The following CLSTN2 variants were observed in gnomAD, a reference collection of about 807,000 sequenced individuals.
CLSTN2 encodes the protein calsyntenin 2, also known as calsyntenin-2.
In CLSTN2, 48 loss-of-function variants were observed where a neutral mutation model predicts 101.2. The ratio of observed to expected loss-of-function variants is 0.47; its 90% confidence interval spans 0.38 to 0.60. CLSTN2 has a LOEUF of 0.60. Among genes scored for constraint, CLSTN2 ranks in the 20% least tolerant of loss-of-function variants. CLSTN2 has a pLI of 0.00. For synonymous variants in CLSTN2, 481 were observed against 463.6 expected, an observed-to-expected ratio of 1.04 and a Z score of -0.48; for missense variants, 1,160 against 1,238.2, an observed-to-expected ratio of 0.94 and a Z score of 0.95.
chr3:140,129,422 T>A (rs1162715371), intron 1 of CLSTN2, among the ~76,000 whole-genome samples: 1 of 152,190 alleles, frequency 6.6e-6, no homozygotes, highest in East Asian at 1.9e-4. Flanking sequence ...TAATTAGCTG[T>A]GATGATTTGG....
intron 1 of CLSTN2, among the ~76,000 whole-genome samples, chr3:140,020,025 G>A (rs1304958280): frequency 6.6e-6 from 1 of 152,148 alleles, no homozygotes; most frequent in African/African-American, 2.4e-5. Context: ...TTTAGGAGAT[G>A]GGAGCAACTA....
intron 1 of CLSTN2, among the ~76,000 whole-genome samples, chr3:139,982,928 C>T (rs1935955703): frequency 6.6e-6 from 1 of 150,810 alleles, no homozygotes; most frequent in South Asian, 2.1e-4. Context: ...AGACTATACA[C>T]ATATGACTAT....
chr3:139,967,141 A>G (rs1935614748), intron 1 of CLSTN2, among the ~76,000 whole-genome samples: 1 of 152,160 alleles, frequency 6.6e-6, no homozygotes, highest in African/African-American at 2.4e-5. Context: ...GCCCCTGTCC[A>G]TGGCAGAAGT....
intron 5 of CLSTN2, among the ~76,000 whole-genome samples, chr3:140,431,746 G>C (rs1423021993): frequency 1.3e-5 from 2 of 152,146 alleles, no homozygotes; most frequent in Non-Finnish European, 2.9e-5. Flanking sequence ...AGTGGAGATG[G>C]AGCTAGGTAT....
At chr3:140,002,453 G>A (rs1298905440) in intron 1 of CLSTN2, among the ~76,000 whole-genome samples, 12 of 152,176 alleles carry the variant, frequency 7.9e-5, no homozygotes, top group Admixed American at 7.2e-4. Context: ...ATATATTATG[G>A]TTATTAATCC....
At chr3:140,168,633 C>T in intron 1 of CLSTN2, among the ~76,000 whole-genome samples, 1 of 152,012 alleles carries the variant, frequency 6.6e-6, no homozygotes, top group South Asian at 2.1e-4. Flanking sequence ...ATTTTGACTT[C>T]TACATTCAGG....
intron 7 of CLSTN2, among the ~76,000 whole-genome samples, chr3:140,465,853 C>T (rs570166309): frequency 1.2e-4 from 19 of 152,170 alleles, no homozygotes; most frequent in African/African-American, 1.7e-4. Flanking sequence ...TTATGGAACA[C>T]GCGCCTCCTG....
At position 140,107,088 on chromosome 3, in the gene CLSTN2, A is replaced by C. The variant is rs374596149; in HGVS notation, c.110-68863A>C. Among the ~76,000 whole-genome samples the C allele has an allele frequency of 1.9e-4, 29 of 152,350 alleles. No homozygotes were observed. The East Asian group carries it at 4.8e-3, about 25-fold the overall frequency. On this transcript the variant is annotated intron_variant, in intron 1 of 16. Coordinates refer to ENST00000458420, the MANE Select transcript of CLSTN2 (RefSeq NM_022131.3). ...TGAATCCTTTGGTGAATGCTGGTAC[A>C]GCTGAAAAAAGGCAGACATGAATGG... is the stretch of plus-strand genomic sequence containing the variant.
intron 2 of CLSTN2, among the ~76,000 whole-genome samples, chr3:140,297,854 G>A (rs1340809817): frequency 6.6e-6 from 1 of 152,182 alleles, no homozygotes; most frequent in Non-Finnish European, 1.5e-5. Flanking sequence ...AATACAGGTG[G>A]TTCTCAGCTT....
At chr3:140,135,090 ACACACACAC>A (rs1295484323) in intron 1 of CLSTN2, among the ~76,000 whole-genome samples, 85 of 37,632 alleles carry the variant, frequency 2.3e-3, no homozygotes, top group Non-Finnish European at 2.9e-3. Flanking sequence ...TCAAAAAAAC[ACACACACAC>A]ACACACACAC....
At position 140,264,346 on chromosome 3, in the gene CLSTN2, G is replaced by A. The variant is rs949998438; in HGVS notation, c.232+88273G>A. Among the ~76,000 whole-genome samples, 4 of 113,470 alleles carry A rather than the reference G, an allele frequency of 3.5e-5. No individual in the cohort carries two copies. The Admixed American group carries it at 3.9e-4, about 11-fold the overall frequency. 74.4% of individuals were successfully genotyped at this position (113,470 alleles called of 152,430 possible). A position where few individuals can be genotyped will look rare whatever the true frequency, so the allele number is the denominator to read the frequency against. ...TAGTTCAGGCATGAGTTACAGAGCT[G>A]TTGCTGTGAGTTCAAGGTTAATGAA... is the stretch of plus-strand genomic sequence containing the variant. On this transcript the variant is annotated intron_variant, in intron 2 of 16. Transcript: ENST00000458420.
intron 2 of CLSTN2, among the ~76,000 whole-genome samples, chr3:140,206,800 CTCTTT>C (rs2010788701): frequency 6.6e-6 from 1 of 152,138 alleles, no homozygotes; most frequent in Admixed American, 6.5e-5. Flanking sequence ...GGGCCTTTTT[CTCTTT>C]TGAGTGTGCT....
chr3:139,939,487 G>C (rs1297993748), intron 1 of CLSTN2, among the ~76,000 whole-genome samples: 1 of 152,202 alleles, frequency 6.6e-6, no homozygotes, highest in African/African-American at 2.4e-5. Context: ...CAAGGAAGCT[G>C]AGCTGTTTGC....
At chr3:140,554,664 T>C (rs1416089375) in intron 10 of CLSTN2, among the ~76,000 whole-genome samples, 2 of 152,248 alleles carry the variant, frequency 1.3e-5, no homozygotes, top group Admixed American at 6.5e-5. Context: ...CTTGTAGTGA[T>C]GTATCCTACA....
chr3:140,163,274 C>A (rs553997994), intron 1 of CLSTN2, among the ~76,000 whole-genome samples: 1 of 152,252 alleles, frequency 6.6e-6, no homozygotes, highest in East Asian at 1.9e-4. Context: ...CAAAAACTGT[C>A]ATTTCCCGGA....
chr3:140,059,775 C>T (rs1332483171), intron 1 of CLSTN2, among the ~76,000 whole-genome samples: 1 of 152,168 alleles, frequency 6.6e-6, no homozygotes, highest in African/African-American at 2.4e-5. Context: ...TGCAACCTTT[C>T]TGCTTTCCAA....
chr3:139,981,240 G>T (rs1935914730), intron 1 of CLSTN2, among the ~76,000 whole-genome samples: 1 of 152,124 alleles, frequency 6.6e-6, no homozygotes, highest in South Asian at 2.1e-4. Flanking sequence ...CCCCCGAATT[G>T]CCCTCTTTGT....
rs570797445 is a variant in CLSTN2 at position 140,115,567 on chromosome 3, C to A, written c.110-60384C>A. On this transcript the variant is annotated intron_variant, in intron 1 of 16. Transcript: ENST00000458420. ...AAAGGGCAGGGAGAAAAAGGCCCTG[C>A]TTCTGATTAGATTTTCTCCCCAAAC... is the stretch of plus-strand genomic sequence containing the variant. Among the ~76,000 whole-genome samples, 3 of 152,292 alleles carry A rather than the reference C, an allele frequency of 2.0e-5. No individual in the cohort carries two copies. In the East Asian group the frequency reaches 5.8e-4, roughly 30 times the overall value.
intron 1 of CLSTN2, among the ~76,000 whole-genome samples, chr3:140,036,257 T>A (rs1190581617): frequency 3.3e-5 from 5 of 151,056 alleles, no homozygotes; most frequent in African/African-American, 1.2e-4. Flanking sequence ...ACATACATTC[T>A]ACTTACGTTC....
Sources: gnomAD v4.1 joint callset for allele counts (sites outside exome capture counted in the v4.1 genomes callset) on GRCh38, gnomAD v4.1.1 for gene constraint, MANE v1.5 for transcripts, NCBI Gene and HGNC (gene_info 2026-07-23, HGNC 2026-07-21) for gene names.